Variants in LLGL1 observed in about 807,000 individuals in gnomAD.
LLGL1 encodes the protein lethal(2) giant larvae protein homolog 1.
In LLGL1, 58 loss-of-function variants were observed where a neutral mutation model predicts 110.6. The ratio of observed to expected loss-of-function variants is 0.52; its 90% CI spans 0.42 to 0.65. LLGL1 has a LOEUF of 0.65. LLGL1 is among the 30% of genes least tolerant of loss of function. The pLI is 0.00. For synonymous variants in LLGL1, 674 were observed against 607.2 expected (o/e 1.11, Z -1.62); for missense variants, 1,229 against 1,462.1 (o/e 0.84, Z 2.60).
At chr17:18,234,238 T>C in intron 6 of LLGL1, 35 bp from the exon 7 acceptor site, 1 of 1,582,216 alleles carries the variant, frequency 6.3e-7, no homozygotes, top group Non-Finnish European at 8.6e-7. Flanking sequence ...CCATGGCTCA[T>C]GCCTGCCTGC....
intron 22 of LLGL1, 84 bp downstream of exon 22, chr17:18,242,906 T>G (rs1478789824): frequency 2.3e-6 from 3 of 1,312,970 alleles, no homozygotes; most frequent in South Asian, 3.0e-5. Flanking sequence ...GGCCCTGGTC[T>G]TCTACCTGAG....
rs769466162 is a variant in LLGL1 at position 18,234,896 on chromosome 17, C to T, written c.963C>T (p.His321=). 1.2e-6 allele frequency: 2 copies of T among 1,614,082 alleles called. No individual in the cohort carries two copies. The highest frequency in any genetic ancestry group is 2.2e-5 in the South Asian group (2 of 91,084). Residue 321 remains histidine (H), a synonymous_variant, in exon 9 of 23, where the codon CAC becomes CAT. Transcript: ENST00000316843. ...GMPRASYGDR[H]CVSVLRAETL... ...CCCGTGCCAGCTATGGTGACCGCCACTGTGTAAGTGTGCTTCGAGCCGAGA... is the reference window on the plus strand; with the variant it reads ...CCCGTGCCAGCTATGGTGACCGCCATTGTGTAAGTGTGCTTCGAGCCGAGA...
chr17:18,241,606 C>T lies in LLGL1; in HGVS notation c.2658C>T (p.Asp886=), dbSNP rs754378204. The change falls in exon 18 of 23, where the codon GAC becomes GAT. Residue 886 remains aspartate (D), a synonymous_variant. Transcript: ENST00000316843. ...TGGCCTGCCTCACCAACCTGGGTGACGTCCACGTCTTCTCGGTGCCTGGCC... is the reference window on the plus strand; with the variant it reads ...TGGCCTGCCTCACCAACCTGGGTGATGTCCACGTCTTCTCGGTGCCTGGCC... ...TCLACLTNLG[D]VHVFSVPGLR... The T allele has an allele frequency of 1.8e-5, 29 of 1,613,636 alleles. No homozygotes were observed. Among genetic ancestry groups the T allele is most frequent in the African/African-American group, 2.7e-5 (2 of 74,932 alleles).
In LLGL1 at chr17:18,238,247, C is replaced by T; in HGVS notation, c.2052+33C>T. The T allele has an allele frequency of 1.9e-6, 3 of 1,606,348 alleles. No homozygotes were observed. In the South Asian group the frequency reaches 3.3e-5, roughly 18 times the overall value. The stretch of plus-strand genomic sequence containing the variant: ...GGGGTGGGCTGCACAGGAGCTGTGC[C>T]TGTGTCCTGTGCCTTGGCCTGGCTC... On this transcript the variant is annotated intron_variant, in intron 15 of 22. Coordinates refer to ENST00000316843, the MANE Select transcript of LLGL1 (RefSeq NM_004140.4).
intron 16 of LLGL1, among the ~76,000 whole-genome samples, chr17:18,238,848 T>A (rs954197953): frequency 8.5e-5 from 13 of 152,102 alleles, no homozygotes; most frequent in Non-Finnish European, 1.5e-4. Flanking sequence ...TCGTCTCTAC[T>A]AAAAATACAA....
chr17:18,236,644 G>C lies in LLGL1; in HGVS notation c.1390G>C (p.Gly464Arg). 6.2e-6 allele frequency: 10 copies of C among 1,612,968 alleles called. No individual in the cohort carries two copies. Among genetic ancestry groups the C allele is most frequent in the Non-Finnish European group, 7.6e-6 (9 of 1,179,924 alleles). The change falls in exon 12 of 23, where the codon GGT becomes CGT. Residue 464 changes from glycine to arginine, a missense_variant. Coordinates refer to ENST00000316843, the MANE Select transcript of LLGL1 (RefSeq NM_004140.4). ...DGTVRFWDAS[G>R]VALRPLYKLS... ...CACCGTGAGGTTCTGGGATGCCTCG[G>C]GTGTGGCGCTGCGGCCGCTCTATAA...
chr17:18,235,821 C>T (rs1471843773), intron 11 of LLGL1: 7 of 473,466 alleles, frequency 1.5e-5, no homozygotes, highest in Non-Finnish European at 2.7e-5. Context: ...CTGGCCCACG[C>T]TGAGCTGCCC....
At chr17:18,232,373 T>C in intron 2 of LLGL1, 122 bp from the exon 3 acceptor site, 1 of 819,306 alleles carries the variant, frequency 1.2e-6, no homozygotes, top group South Asian at 1.8e-5. Flanking sequence ...GGAGGACTCC[T>C]GGATGGTCAG....
At chr17:18,232,599 C>T (rs781563135) in intron 3 of LLGL1, 23 bp downstream of exon 3, 2 of 1,613,958 alleles carry the variant, frequency 1.2e-6, no homozygotes, top group South Asian at 2.2e-5. Context: ...TTCCCACTAG[C>T]CAGCTCCCTG....
intron 22 of LLGL1, 64 bp downstream of exon 22, chr17:18,242,886 G>T (rs545106503): frequency 2.2e-5 from 32 of 1,431,884 alleles, no homozygotes; most frequent in Non-Finnish European, 2.9e-5. Context: ...AGCCCGTCTG[G>T]GTACCATTTG....
At chr17:18,236,370 C>G (rs867823917) in intron 11 of LLGL1, 3 of 528,140 alleles carry the variant, frequency 5.7e-6, no homozygotes, top group Non-Finnish European at 1.0e-5. Context: ...GTCATTTCCA[C>G]CTTGTTTGGT....
At chr17:18,235,771 A>C (rs1597869642) in intron 11 of LLGL1, 9 of 514,146 alleles carry the variant, frequency 1.8e-5, no homozygotes, top group Admixed American at 3.6e-5. Flanking sequence ...CCAGGGCTCC[A>C]CCCGCCCAGC....
rs751331580 is a variant in LLGL1, at chr17:18,242,186, C to G, written c.2903C>G (p.Pro968Arg). The G allele has an allele frequency of 1.7e-5, 28 of 1,613,974 alleles. No individual in the cohort carries two copies. Among genetic ancestry groups the G allele is most frequent in the Admixed American group, 1.3e-4 (8 of 60,012 alleles). ...TGCAGTTACAGGATCCGAGAGTCAC[C>G]CAAGCTGAGCCAGGCTAACGGGACC... ...TQASYRIRES[P>R]KLSQANGTPS... Residue 968 changes from proline (P) to arginine (R), a missense_variant, in exon 20 of 23, where the codon CCC (proline) becomes CGC (arginine). By Grantham distance (103) the Pro-to-Arg change is moderately radical (BLOSUM62 -2). Transcript: ENST00000316843.
chr17:18,234,210 G>A (rs1229546055), intron 6 of LLGL1, 35 bp downstream of exon 6: 2 of 1,598,932 alleles, frequency 1.3e-6, no homozygotes, highest in Non-Finnish European at 1.7e-6. Flanking sequence ...CTCAGCCTGG[G>A]CCCCTTGTGC....
Position 18,232,759 on chromosome 17 carries a change from C to T in LLGL1, c.349C>T (p.Leu117Phe), listed in dbSNP as rs1410905624. 2 of 1,613,990 alleles carry T rather than the reference C, an allele frequency of 1.2e-6. No homozygotes were observed. Among genetic ancestry groups the T allele is most frequent in the Non-Finnish European group, 8.5e-7 (1 of 1,180,048 alleles). The change falls in exon 4 of 23, where the codon CTC becomes TTC. Residue 117 changes from leucine (L) to phenylalanine (F), a missense_variant. By Grantham distance (22) the Leu-to-Phe change is conservative (BLOSUM62 0). Transcript: ENST00000316843. ...TGGCTGTGCCCACCTGGAAGAAGCACTCAGTTTCCAGCTGCCCAGCCGGCC... is the reference window on the plus strand; with the variant it reads ...TGGCTGTGCCCACCTGGAAGAAGCATTCAGTTTCCAGCTGCCCAGCCGGCC... Reference protein sequence around the residue: ...HNGCAHLEEALSFQLPSRPGF... With the variant: ...HNGCAHLEEAFSFQLPSRPGF...
At chr17:18,241,838 G>T in intron 18 of LLGL1, 47 bp from the exon 19 acceptor site, 1 of 1,603,610 alleles carries the variant, frequency 6.2e-7, no homozygotes, top group South Asian at 1.1e-5. Flanking sequence ...AGGAGCTGTG[G>T]TTGGTGGTAT....
rs745717343 is a variant in LLGL1 at position 18,238,613 on chromosome 17, A to AGGCAGGGGCAGG, written c.2206+12_2206+23dup. On this transcript the variant is annotated splice_donor_region_variant and intron_variant, in intron 16 of 22. Transcript: ENST00000316843. ...GCCGACACATTCCTTCGAGATGGTA[A>AGGCAGGGGCAGG]GGCAGGGGCAGGGGCAGGGACAGGG... 7 of 1,608,860 alleles carry AGGCAGGGGCAGG rather than the reference A, an allele frequency of 4.4e-6. No homozygotes were observed. In the African/African-American group the frequency reaches 5.3e-5, roughly 12 times the overall value.
At chr17:18,232,348 G>A in intron 2 of LLGL1, 147 bp from the exon 3 acceptor site, 1 of 650,756 alleles carries the variant, frequency 1.5e-6, no homozygotes, top group Non-Finnish European at 2.6e-6. Context: ...TAGGGAGGGG[G>A]CCTCCGTTCT....
intron 16 of LLGL1, among the ~76,000 whole-genome samples, chr17:18,239,305 G>A (rs1443281785): frequency 1.3e-5 from 2 of 152,172 alleles, no homozygotes; most frequent in African/African-American, 4.8e-5. Flanking sequence ...CTGAGGACCT[G>A]GCTTTGATTC....
Sources: gnomAD v4.1 joint callset for allele counts (sites outside exome capture counted in the v4.1 genomes callset) on GRCh38, gnomAD v4.1.1 for gene constraint, MANE v1.5 for transcripts, NCBI Gene and HGNC (gene_info 2026-07-23, HGNC 2026-07-21) for gene names.